XG: variants seen among roughly 807,000 people sequenced by gnomAD.
The protein encoded by XG is Xg glycoprotein (Xg blood group).
In XG, 24 loss-of-function variants were observed where a neutral mutation model predicts 25.7. The ratio of observed to expected loss-of-function variants is 0.93; its 90% CI spans 0.68 to 1.31. XG has a LOEUF of 1.31. XG is among the 40% of genes most tolerant of loss of function. XG has a pLI of 0.00. For synonymous variants in XG, 77 were observed against 69.2 expected (o/e 1.11, Z -0.56); for missense variants, 181 against 187.6 (o/e 0.96, Z 0.21).
intron 8 of XG, among the ~76,000 whole-genome samples, chrX:2,807,443 T>C (rs1031051198): frequency 1.8e-5 from 2 of 112,868 alleles, no homozygotes; most frequent in Non-Finnish European, 3.8e-5. Context: ...CACACACACA[T>C]GAATGTGTTT....
At chrX:2,793,211 C>A (rs769063975) in intron 5 of XG, among the ~76,000 whole-genome samples, 2 of 111,915 alleles carry the variant, frequency 1.8e-5, no homozygotes, top group Non-Finnish European at 3.8e-5. Flanking sequence ...TTAATAAACT[C>A]AATCAGCATG....
At chrX:2,775,226 C>T (rs2050951020) in intron 3 of XG, among the ~76,000 whole-genome samples, 1 of 152,160 alleles carries the variant, frequency 6.6e-6, no homozygotes, top group African/African-American at 2.4e-5. Flanking sequence ...AAATAACTCA[C>T]ATGTTAATCA....
chrX:2,793,451 G>A (rs1177985426), intron 5 of XG, among the ~76,000 whole-genome samples: 2 of 111,866 alleles, frequency 1.8e-5, no homozygotes, highest in Non-Finnish European at 3.8e-5. Flanking sequence ...ACAGGTGAAC[G>A]CAGCAGTCGG....
rs181184706 is a variant in XG, at chrX:2,807,186, G to T, written c.418+441G>T. The stretch of plus-strand genomic sequence containing the variant: ...CATGTTTGTGTATGTGCACAGATGT[G>T]TTGGCATGTACTTGTGGATTTTGCA... On this transcript the variant is annotated intron_variant, in intron 8 of 10. Coordinates refer to ENST00000644266, the MANE Select transcript of XG (RefSeq NM_001141919.2). 2.4e-3 allele frequency among the ~76,000 whole-genome samples: 274 copies of T among 113,204 alleles called. 1 individual carries two copies. Among genetic ancestry groups the T allele is most frequent in the Non-Finnish European group, 4.4e-3 (234 of 53,367 alleles).
At chrX:2,778,736 T>C (rs2051054341) in intron 3 of XG, among the ~76,000 whole-genome samples, 1 of 151,852 alleles carries the variant, frequency 6.6e-6, no homozygotes, top group Non-Finnish European at 1.5e-5. Flanking sequence ...TGGCTGTTCT[T>C]GTGGATGATA....
At chrX:2,772,880 C>G (rs73190947) in intron 2 of XG, among the ~76,000 whole-genome samples, 3 of 152,162 alleles carry the variant, frequency 2.0e-5, no homozygotes, top group Admixed American at 2.0e-4. Flanking sequence ...GCCTGTTCAT[C>G]CACAGCCCTT....
At chrX:2,774,761 A>G (rs1250326268) in intron 3 of XG, 22 bp downstream of exon 3, 1 of 1,613,792 alleles carries the variant, frequency 6.2e-7, no homozygotes, top group Admixed American at 1.7e-5. Context: ...TTCAGCTGGG[A>G]AAAACTGAGG....
At position 2,756,727 on chromosome X, in the gene XG, CAG is replaced by C. The variant is rs1420435943; in HGVS notation, c.61+4393_61+4394del. On this transcript the variant is annotated intron_variant, in intron 1 of 10. Coordinates refer to ENST00000644266, the MANE Select transcript of XG (RefSeq NM_001141919.2). ...TGACGCCCCCTCACAGGATGTGCAA[CAG>C]GGGTGTGTTTGATCTGTTTGACCGC... 2.6e-5 allele frequency among the ~76,000 whole-genome samples: 4 copies of C among 152,150 alleles called. No individual in the cohort carries two copies. In the East Asian group the frequency reaches 5.8e-4, roughly 22 times the overall value.
chrX:2,772,560 C>G (rs1432913417), intron 2 of XG, among the ~76,000 whole-genome samples: 2 of 151,940 alleles, frequency 1.3e-5, no homozygotes, highest in South Asian at 2.1e-4. Flanking sequence ...GAAGAGGGGA[C>G]AAAAGGGAGG....
At chrX:2,753,186 G>A (rs1052368800) in intron 1 of XG, among the ~76,000 whole-genome samples, 2 of 152,148 alleles carry the variant, frequency 1.3e-5, no homozygotes, top group African/African-American at 4.8e-5. Context: ...TTGTTTATGG[G>A]CGGAGGCGGT....
At chrX:2,771,864 T>C (rs2050826977) in intron 2 of XG, among the ~76,000 whole-genome samples, 7 of 152,162 alleles carry the variant, frequency 4.6e-5, no homozygotes, top group Admixed American at 4.6e-4. Flanking sequence ...TACAAAATTG[T>C]TGTCAGTGCA....
At chrX:2,781,001 C>T (rs1380098505) in intron 3 of XG, among the ~76,000 whole-genome samples, 1 of 151,808 alleles carries the variant, frequency 6.6e-6, no homozygotes, top group Non-Finnish European at 1.5e-5. Context: ...TTGGGGGTCC[C>T]GAGATTTATG....
chrX:2,755,006 G>C (rs1407632901), intron 1 of XG, among the ~76,000 whole-genome samples: 2 of 152,180 alleles, frequency 1.3e-5, no homozygotes, highest in Middle Eastern at 3.2e-3. Flanking sequence ...AGCCGGCAGC[G>C]GAATCTGAGC....
intron 3 of XG, among the ~76,000 whole-genome samples, chrX:2,779,990 A>G (rs2051083692): frequency 6.6e-6 from 1 of 152,132 alleles, no homozygotes; most frequent in African/African-American, 2.4e-5. Flanking sequence ...ATAACTCCTG[A>G]TACGCTGTAA....
In XG at chrX:2,812,582, C is replaced by G. The variant is rs1373614501; in HGVS notation, c.571+1130C>G. 3.6e-5 allele frequency among the ~76,000 whole-genome samples: 4 copies of G among 111,558 alleles called. No individual in the cohort carries two copies. The East Asian group carries it at 1.1e-3, about 31-fold the overall frequency. ...GCATTTGGCCTCAAAAATCCTAAAACCTTCCCATGCGCTCCCTCTGCTGGT... is the reference window on the plus strand; with the variant it reads ...GCATTTGGCCTCAAAAATCCTAAAAGCTTCCCATGCGCTCCCTCTGCTGGT... On this transcript the variant is annotated intron_variant, in intron 10 of 10. Coordinates refer to ENST00000644266, the MANE Select transcript of XG (RefSeq NM_001141919.2).
intron 1 of XG, among the ~76,000 whole-genome samples, chrX:2,766,479 A>G (rs2050692930): frequency 8.1e-6 from 1 of 123,028 alleles, no homozygotes; most frequent in South Asian, 2.7e-4. Flanking sequence ...CCTTCCGGGT[A>G]TGGGGCTGGG....
At chrX:2,807,853 C>T (rs900426550) in intron 8 of XG, among the ~76,000 whole-genome samples, 2 of 111,249 alleles carry the variant, frequency 1.8e-5, no homozygotes, top group East Asian at 2.8e-4. Flanking sequence ...GTATGAATGG[C>T]GTGCGTGTGT....
chrX:2,787,339 G>A (rs1351491950), intron 4 of XG, among the ~76,000 whole-genome samples: 1 of 111,754 alleles, frequency 8.9e-6, no homozygotes, highest in African/African-American at 3.3e-5. Flanking sequence ...GCCAAGGAGA[G>A]AGGCCTCAGG....
intron 1 of XG, among the ~76,000 whole-genome samples, chrX:2,753,728 G>T (rs925031044): frequency 8.6e-5 from 13 of 151,984 alleles, no homozygotes; most frequent in African/African-American, 3.1e-4. Flanking sequence ...GATTATAGGT[G>T]CCCACCACCA....
Sources: gnomAD v4.1 joint callset for allele counts (sites outside exome capture counted in the v4.1 genomes callset) on GRCh38, gnomAD v4.1.1 for gene constraint, MANE v1.5 for transcripts, NCBI Gene and HGNC (gene_info 2026-07-23, HGNC 2026-07-21) for gene names.